The following BIRC6 variants were observed in gnomAD, a reference collection of about 807,000 sequenced individuals.
BIRC6 encodes baculoviral IAP repeat containing 6.
BIRC6 carries 98 observed loss-of-function variants against 503.3 expected under a neutral mutation model. The observed-to-expected ratio is 0.19, with a 90% CI of 0.17 to 0.23. The LOEUF (loss-of-function observed/expected upper bound fraction) is 0.23. Ranked by LOEUF, BIRC6 falls within the 10% of genes least tolerant of loss-of-function variation. BIRC6 has a pLI of 1.00. For synonymous variants in BIRC6, 2,240 were observed against 2,078.7 expected, an observed-to-expected ratio of 1.08 and a Z score of -2.11; for missense variants, 5,360 against 5,806.0, an observed-to-expected ratio of 0.92 and a Z score of 2.50.
intron 70 of BIRC6, among the ~76,000 whole-genome samples, chr2:32,600,917 T>TC (rs758597861): frequency 3.9e-5 from 6 of 152,306 alleles, no homozygotes; most frequent in Non-Finnish European, 7.3e-5. Context: ...TGTTTTGGCT[T>TC]CCCTGGGCCA....
intron 15 of BIRC6, among the ~76,000 whole-genome samples, chr2:32,436,830 T>G (rs1227240517): frequency 8.9e-6 from 1 of 112,904 alleles, no homozygotes; most frequent in Non-Finnish European, 1.8e-5. Context: ...TCCCAAAGTG[T>G]TGGGATTACA....
rs117083120 is a variant in BIRC6, at chr2:32,383,321, G to A, written c.645+3031G>A. Among the ~76,000 whole-genome samples the A allele has an allele frequency of 3.2e-4, 48 of 152,288 alleles. 1 individual carries two copies. The East Asian group carries it at 9.1e-3, about 29-fold the overall frequency. ...GCCTCCCAAAGTGGTGGGATTCCAG[G>A]CGTGAGCCTAGTCCTCAGTTTATAA... is the stretch of plus-strand genomic sequence containing the variant. On this transcript the variant is annotated intron_variant, in intron 3 of 73. Transcript: ENST00000421745.
intron 45 of BIRC6, 96 bp downstream of exon 45, chr2:32,493,763 A>C: frequency 9.7e-7 from 1 of 1,032,738 alleles, no homozygotes; most frequent in Non-Finnish European, 1.4e-6. Context: ...TTTATCTGTG[A>C]ACAAATAAGC....
intron 61 of BIRC6, among the ~76,000 whole-genome samples, chr2:32,532,002 C>T (rs770428446): frequency 2.0e-5 from 3 of 152,116 alleles, no homozygotes; most frequent in Non-Finnish European, 4.4e-5. Context: ...TGTTCATTTA[C>T]GAAGCTGTCA....
At chr2:32,422,219 CT>C (rs1418665389) in intron 10 of BIRC6, among the ~76,000 whole-genome samples, 4 of 152,206 alleles carry the variant, frequency 2.6e-5, no homozygotes, top group African/African-American at 9.6e-5. Context: ...TTAGGTCTTG[CT>C]TTTTTATACA....
chr2:32,612,700 T>C (rs2062963064), intron 73 of BIRC6, among the ~76,000 whole-genome samples: 1 of 152,194 alleles, frequency 6.6e-6, no homozygotes, highest in Non-Finnish European at 1.5e-5. Context: ...GGAATATAGA[T>C]GAAAGAAGAT....
intron 9 of BIRC6, among the ~76,000 whole-genome samples, chr2:32,408,894 A>G (rs1558645729): frequency 6.6e-6 from 1 of 152,168 alleles, no homozygotes; most frequent in East Asian, 1.9e-4. Flanking sequence ...CATTCACAGT[A>G]AAAGTATGTA....
At chr2:32,520,949 T>C (rs1264761484) in intron 57 of BIRC6, among the ~76,000 whole-genome samples, 1 of 152,216 alleles carries the variant, frequency 6.6e-6, no homozygotes, top group Non-Finnish European at 1.5e-5. Flanking sequence ...AACTGAAAAT[T>C]GAACATTTTA....
chr2:32,406,265 G>A (rs556112546), intron 8 of BIRC6, among the ~76,000 whole-genome samples: 45 of 152,186 alleles, frequency 3.0e-4, no homozygotes, highest in Admixed American at 9.8e-4. Flanking sequence ...GCATGGTGGC[G>A]TGTGCCTGTG....
chr2:32,395,700 T>A, intron 6 of BIRC6, 107 bp downstream of exon 6: 1 of 887,054 alleles, frequency 1.1e-6, no homozygotes, highest in Non-Finnish European at 1.8e-6. Context: ...TTTTGCCACC[T>A]ATATTTTTGT....
chr2:32,539,816 T>C (rs1328296465), intron 61 of BIRC6, among the ~76,000 whole-genome samples: 7 of 152,010 alleles, frequency 4.6e-5, no homozygotes, highest in Admixed American at 3.9e-4. Flanking sequence ...CCAGAATCAA[T>C]TAAATATAAA....
chr2:32,549,397 A>C lies in BIRC6; in HGVS notation c.13060A>C (p.Asn4354His), dbSNP rs3207838. Reference protein sequence around the residue: ...SSHETRGQNSNALPSVLLELL... With the variant: ...SSHETRGQNSHALPSVLLELL... The stretch of plus-strand genomic sequence containing the variant: ...TCATGAGACTAGAGGGCAGAACAGT[A>C]ATGCCCTTCCTTCTGTACTTCTCGA... Residue 4354 changes from asparagine to histidine, a missense_variant, in exon 65 of 74, where the codon AAT (asparagine) becomes CAT (histidine). Transcript: ENST00000421745. 31 of 1,520,428 alleles carry C rather than the reference A, an allele frequency of 2.0e-5. 1 individual carries two copies. The African/African-American group carries it at 2.2e-4, about 11-fold the overall frequency. The allele number at this position is 1,520,428 out of a possible 1,614,324, so 94.2% of individuals were successfully genotyped here.
chr2:32,543,112 T>C (rs1404838568), intron 61 of BIRC6, 129 bp from the exon 62 acceptor site: 1 of 1,126,804 alleles, frequency 8.9e-7, no homozygotes, highest in Non-Finnish European at 1.2e-6. Flanking sequence ...AAGCTTGTTT[T>C]TTAAAGCAAG....
chr2:32,536,485 A>G (rs1262547512), intron 61 of BIRC6, among the ~76,000 whole-genome samples: 1 of 152,192 alleles, frequency 6.6e-6, no homozygotes, highest in African/African-American at 2.4e-5. Flanking sequence ...ATTTTTGTAT[A>G]AGGTGTAAAG....
In BIRC6 at chr2:32,537,602, C is replaced by A. The variant is rs570729457; in HGVS notation, c.12292-5639C>A. 9.2e-5 allele frequency among the ~76,000 whole-genome samples: 14 copies of A among 152,254 alleles called. No homozygotes were observed. In the East Asian group the frequency reaches 1.7e-3, roughly 19 times the overall value. On this transcript the variant is annotated intron_variant, in intron 61 of 73. Transcript: ENST00000421745. ...ATCGCCTCTCAAAAATCAGTGATGG[C>A]AGAATAAAAAGTATGGGATTAACTC...
At chr2:32,425,649 C>T (rs2043404331) in intron 10 of BIRC6, among the ~76,000 whole-genome samples, 2 of 152,122 alleles carry the variant, frequency 1.3e-5, no homozygotes, top group South Asian at 4.1e-4. Context: ...GAACCCTCTC[C>T]CCACTCTTAT....
intron 1 of BIRC6, among the ~76,000 whole-genome samples, chr2:32,370,081 CAG>C (rs2149255135): frequency 6.7e-6 from 1 of 148,214 alleles, no homozygotes; most frequent in East Asian, 2.0e-4. Flanking sequence ...CACACACACA[CAG>C]CACGCACGGG....
chr2:32,504,406 G>T (rs1029695341), intron 49 of BIRC6, among the ~76,000 whole-genome samples: 2 of 151,962 alleles, frequency 1.3e-5, no homozygotes, highest in African/African-American at 4.8e-5. Flanking sequence ...GGTGGCTCAT[G>T]CCTGTAATCC....
At chr2:32,592,317 A>G (rs2061434483) in intron 66 of BIRC6, among the ~76,000 whole-genome samples, 1 of 152,206 alleles carries the variant, frequency 6.6e-6, no homozygotes, top group Non-Finnish European at 1.5e-5. Flanking sequence ...TCAGTGACAT[A>G]TTATACCTCT....
Sources: allele counts gnomAD v4.1 joint callset (sites outside exome capture counted in the v4.1 genomes callset), GRCh38; gene constraint gnomAD v4.1.1; transcripts MANE v1.5; gene names NCBI Gene and HGNC (gene_info 2026-07-23, HGNC 2026-07-21).